TMEM178B: variants seen among roughly 807,000 people sequenced by gnomAD.
TMEM178B encodes the protein transmembrane protein 178B.
In TMEM178B, 5 loss-of-function variants were observed where a neutral mutation model predicts 31.0. The observed-to-expected ratio is 0.16, with a 90% CI of 0.08 to 0.34. TMEM178B has a LOEUF of 0.34. Among genes scored for constraint, TMEM178B ranks in the 10% least tolerant of loss-of-function variants. The pLI, the probability that TMEM178B is intolerant of heterozygous loss-of-function variation, is 1.00. For missense variants in TMEM178B, 275 were observed against 400.3 expected (o/e 0.69, Z 2.67); for synonymous variants, 164 against 164.0 (o/e 1.00, Z 0.00).
At chr7:141,348,578 G>A (rs191324328) in intron 2 of TMEM178B, among the ~76,000 whole-genome samples, 23 of 152,310 alleles carry the variant, frequency 1.5e-4, no homozygotes, top group African/African-American at 5.5e-4. Flanking sequence ...GGAAAATGTA[G>A]CCATTTAAGA....
At chr7:141,452,829 A>C (rs922116596) in intron 3 of TMEM178B, among the ~76,000 whole-genome samples, 2 of 152,226 alleles carry the variant, frequency 1.3e-5, no homozygotes, top group Non-Finnish European at 2.9e-5. Context: ...GCTTTTCTAA[A>C]GTACACTTAC....
downstream of TMEM178B, among the ~76,000 whole-genome samples, chr7:141,481,184 T>TC (rs1430194939): frequency 1.3e-5 from 2 of 152,134 alleles, no homozygotes; most frequent in Non-Finnish European, 2.9e-5. Flanking sequence ...CCAGGATGAA[T>TC]CCCCAGGGCC....
chr7:141,098,322 A>G (rs761492571), intron 1 of TMEM178B, among the ~76,000 whole-genome samples: 18 of 152,242 alleles, frequency 1.2e-4, no homozygotes, highest in Non-Finnish European at 2.4e-4. Flanking sequence ...CTCATACCAG[A>G]TTAAATACAG....
At chr7:141,509,112 T>C in the TMEM178B span, among the ~76,000 whole-genome samples, 1 of 152,168 alleles carries the variant, frequency 6.6e-6, no homozygotes, top group Admixed American at 6.5e-5. Flanking sequence ...CTATTACATG[T>C]GTACATTCAT....
chr7:141,413,334 G>T (rs1264630503), intron 2 of TMEM178B, among the ~76,000 whole-genome samples: 1 of 152,022 alleles, frequency 6.6e-6, no homozygotes, highest in Non-Finnish European at 1.5e-5. Flanking sequence ...GAGTCACATT[G>T]ATACTTCTTT....
chr7:141,346,703 GAAGA>G (rs1799625955), intron 2 of TMEM178B, among the ~76,000 whole-genome samples: 1 of 152,020 alleles, frequency 6.6e-6, no homozygotes, highest in Non-Finnish European at 1.5e-5. Flanking sequence ...CAGAAGGAGA[GAAGA>G]AAGAAAGAGC....
chr7:141,337,141 C>CATCA (rs1799426464), intron 2 of TMEM178B, among the ~76,000 whole-genome samples: 1 of 32,014 alleles, frequency 3.1e-5, no homozygotes, highest in Non-Finnish European at 5.6e-5. Context: ...CCACCACCAC[C>CATCA]ATCATCACCA....
chr7:141,504,438 C>CA, the TMEM178B span, among the ~76,000 whole-genome samples: 9 of 152,020 alleles, frequency 5.9e-5, no homozygotes, highest in African/African-American at 2.2e-4. Context: ...AAAGGAGCCA[C>CA]AAAAAAATAC....
chr7:141,383,814 A>G (rs887789332), intron 2 of TMEM178B, among the ~76,000 whole-genome samples: 1 of 152,194 alleles, frequency 6.6e-6, no homozygotes, highest in African/African-American at 2.4e-5. Flanking sequence ...CAATGGTTGA[A>G]CTAGTTTACA....
chr7:141,251,801 T>C (rs944470434), intron 2 of TMEM178B, among the ~76,000 whole-genome samples: 1 of 152,154 alleles, frequency 6.6e-6, no homozygotes, highest in South Asian at 2.1e-4. Flanking sequence ...GGCCTTAAAA[T>C]CACATTTTCT....
Position 141,324,470 on chromosome 7 carries a change from A to G in TMEM178B, c.496+111766A>G, listed in dbSNP as rs1799156459. 2.3e-5 allele frequency among the ~76,000 whole-genome samples: 3 copies of G among 129,866 alleles called. No individual in the cohort carries two copies. In the South Asian group the frequency reaches 7.7e-4, roughly 33 times the overall value. The allele number at this position is 129,866 out of a possible 152,430, so 85.2% of individuals were successfully genotyped here. On this transcript the variant is annotated intron_variant, in intron 2 of 3. Transcript: ENST00000565468. ...TTTTTTTTTCCTGAGCGATTGAAAA[A>G]TGCAGCTGCCATTAACTGAGATGGA...
chr7:141,473,772 C>G lies in TMEM178B; in HGVS notation c.*2986C>G, dbSNP rs1414925802. 1.3e-5 allele frequency: 2 copies of G among 152,220 alleles called. No individual in the cohort carries two copies. The allele number at this position is 152,220 out of a possible 1,614,324, so 9.4% of individuals were successfully genotyped here. ...CTGCTGGGAAGCAAAAGACGCCCAG[C>G]CACATGACCAGGATAGAGGCCCCTT... On this transcript the variant is annotated 3_prime_UTR_variant, in exon 4 of 4. Transcript: ENST00000565468.
rs1207029902 is a variant in TMEM178B at position 141,115,382 on chromosome 7, G to A, written c.382+40690G>A. Among the ~76,000 whole-genome samples the A allele has an allele frequency of 4.6e-5, 7 of 152,068 alleles. No homozygotes were observed. The East Asian group carries it at 1.3e-3, about 29-fold the overall frequency. ...AATGGGCTGGGGAGAAGGACAGAGGGGACTCCAGTGTTATGTAACAGTAGG... is the reference window on the plus strand; with the variant it reads ...AATGGGCTGGGGAGAAGGACAGAGGAGACTCCAGTGTTATGTAACAGTAGG... On this transcript the variant is annotated intron_variant, in intron 1 of 3. Transcript: ENST00000565468.
chr7:141,216,476 GGTGTGT>G (rs1311095819), intron 2 of TMEM178B, among the ~76,000 whole-genome samples: 1 of 102,768 alleles, frequency 9.7e-6, no homozygotes, highest in South Asian at 2.7e-4. Flanking sequence ...TGTGTGTGTG[GGTGTGT>G]GGTGGGGAAG....
chr7:141,372,130 G>T (rs1025781076), intron 2 of TMEM178B, among the ~76,000 whole-genome samples: 2 of 152,104 alleles, frequency 1.3e-5, no homozygotes, highest in Non-Finnish European at 2.9e-5. Flanking sequence ...ACTCTAGTCT[G>T]ACTCTCACCA....
the TMEM178B span, among the ~76,000 whole-genome samples, chr7:141,496,669 C>CAAAAAA: frequency 3.0e-4 from 10 of 33,236 alleles, no homozygotes; most frequent in African/African-American, 9.0e-4. Context: ...GACTCCGTCT[C>CAAAAAA]AAAAAAAAAA....
In TMEM178B at chr7:141,480,023, T is replaced by C. The variant is rs754548244; in HGVS notation, c.*9237T>C. The C allele has an allele frequency of 6.6e-6, 1 of 152,214 alleles. No homozygotes were observed. The highest frequency in any genetic ancestry group is 1.5e-5 in the Non-Finnish European group (1 of 68,026). 9.4% of individuals were successfully genotyped at this position (152,214 alleles called of 1,614,324 possible). ...CTATTGTACTGTCTGTTCCTTCTCA[T>C]AATTAATTAATTACAGGAAAGGCGA... On this transcript the variant is annotated 3_prime_UTR_variant, in exon 4 of 4. Transcript: ENST00000565468.
chr7:141,358,167 C>G (rs1032200059), intron 2 of TMEM178B, among the ~76,000 whole-genome samples: 3 of 152,094 alleles, frequency 2.0e-5, no homozygotes, highest in Non-Finnish European at 4.4e-5. Flanking sequence ...TGAGCTTGGT[C>G]CCTAGCAGCA....
At chr7:141,447,340 A>T (rs1248887901) in intron 3 of TMEM178B, among the ~76,000 whole-genome samples, 1 of 151,912 alleles carries the variant, frequency 6.6e-6, no homozygotes, top group East Asian at 1.9e-4. Flanking sequence ...CCATAAGAAG[A>T]CTTGGGGCAA....
Sources: gnomAD v4.1 joint callset for allele counts (sites outside exome capture counted in the v4.1 genomes callset) on GRCh38, gnomAD v4.1.1 for gene constraint, MANE v1.5 for transcripts, NCBI Gene and HGNC (gene_info 2026-07-23, HGNC 2026-07-21) for gene names.